The following PICALM variants were observed in gnomAD, a reference collection of about 807,000 sequenced individuals.
The protein encoded by PICALM is phosphatidylinositol-binding clathrin assembly protein.
A neutral mutation model predicts 80.5 loss-of-function variants in PICALM; 40 were observed. The ratio of observed to expected loss-of-function variants is 0.50; its 90% CI spans 0.39 to 0.65. The LOEUF (loss-of-function observed/expected upper bound fraction) is 0.65, where lower values mean the gene tolerates loss of function less well. Among genes scored for constraint, PICALM ranks in the 30% least tolerant of loss-of-function variants. PICALM has a pLI of 0.00. For missense variants in PICALM, 676 were observed against 778.9 expected (o/e 0.87, Z 1.57); for synonymous variants, 288 against 260.3 (o/e 1.11, Z -1.02).
rs72963077 is a variant in PICALM at position 86,026,023 on chromosome 11, C to G, written c.349+269G>C. Among the ~76,000 whole-genome samples the G allele has an allele frequency of 0.16, 24,734 of 152,078 alleles. 2,574 individuals are homozygous for G. The highest frequency in any genetic ancestry group is 0.24 in the Middle Eastern group (70 of 294). Reference sequence around the variant, plus strand: ...CCAAGTTCATATAGCTGGTAGGCAGCAAAGATGAGATTCAAACCTAGACAG... The same window carrying G: ...CCAAGTTCATATAGCTGGTAGGCAGGAAAGATGAGATTCAAACCTAGACAG... On this transcript the variant is annotated intron_variant, in intron 3 of 19. Coordinates refer to ENST00000393346, the MANE Select transcript of PICALM (RefSeq NM_007166.4).
intron 12 of PICALM, among the ~76,000 whole-genome samples, chr11:85,991,629 T>C (rs1389636507): frequency 2.0e-5 from 3 of 151,942 alleles, no homozygotes; most frequent in African/African-American, 7.3e-5. Flanking sequence ...AGTAAGAACT[T>C]TTCTATATAG....
At chr11:86,020,229 C>T (rs1442087674) in intron 4 of PICALM, among the ~76,000 whole-genome samples, 1 of 151,680 alleles carries the variant, frequency 6.6e-6, no homozygotes, top group Non-Finnish European at 1.5e-5. Flanking sequence ...AAAAAAGATC[C>T]AAATAAACAG....
At chr11:86,026,916 A>C (rs1344747930) in intron 2 of PICALM, among the ~76,000 whole-genome samples, 2 of 152,194 alleles carry the variant, frequency 1.3e-5, no homozygotes, top group African/African-American at 4.8e-5. Context: ...TTTCTGAAAC[A>C]GGTATACGTT....
chr11:86,041,963 C>G (rs1347686515), intron 1 of PICALM, among the ~76,000 whole-genome samples: 1 of 152,056 alleles, frequency 6.6e-6, no homozygotes, highest in African/African-American at 2.4e-5. Flanking sequence ...GTTCCTCCCC[C>G]CTCCTCTGAT....
intron 14 of PICALM, among the ~76,000 whole-genome samples, chr11:85,982,982 CAAT>C (rs763944953): frequency 7.9e-5 from 12 of 152,258 alleles, no homozygotes; most frequent in East Asian, 1.9e-4. Flanking sequence ...TAGTTCACAA[CAAT>C]GATTGGTCTC....
intron 1 of PICALM, among the ~76,000 whole-genome samples, chr11:86,038,080 A>G (rs1048515709): frequency 2.6e-5 from 4 of 152,302 alleles, no homozygotes; most frequent in South Asian, 2.1e-4. Context: ...AACACTATGG[A>G]AAGTTGAGGC....
chr11:86,018,412 T>C (rs1214738744), intron 4 of PICALM, among the ~76,000 whole-genome samples: 1 of 152,200 alleles, frequency 6.6e-6, no homozygotes, highest in Non-Finnish European at 1.5e-5. Flanking sequence ...TTTGGTGTTT[T>C]GTATTAAAAT....
chr11:86,030,975 A>G (rs970698989), intron 2 of PICALM, among the ~76,000 whole-genome samples: 64 of 152,058 alleles, frequency 4.2e-4, no homozygotes, highest in African/African-American at 1.5e-3. Context: ...AAAATAAGCC[A>G]GGCATGGTAG....
chr11:85,960,972 C>T (rs1338023863), intron 19 of PICALM, among the ~76,000 whole-genome samples: 1 of 150,078 alleles, frequency 6.7e-6, no homozygotes, highest in African/African-American at 2.5e-5. Flanking sequence ...TATGCAATGG[C>T]ATGTGTTTTT....
chr11:86,010,282 T>A (rs934186763), intron 7 of PICALM, among the ~76,000 whole-genome samples: 1 of 151,870 alleles, frequency 6.6e-6, no homozygotes, highest in Non-Finnish European at 1.5e-5. Context: ...GTTTTCACAA[T>A]CAATGATAAT....
intron 1 of PICALM, among the ~76,000 whole-genome samples, chr11:86,054,166 A>G (rs1405279734): frequency 3.3e-5 from 5 of 152,366 alleles, no homozygotes; most frequent in Non-Finnish European, 7.3e-5. Flanking sequence ...AACACTATGT[A>G]TAACAACATT....
rs1304583954 is a variant in PICALM at position 85,957,640 on chromosome 11, G to C, written c.*1406C>G. 2.1e-5 allele frequency: 4 copies of C among 194,506 alleles called. No homozygotes were observed. The highest frequency in any genetic ancestry group is 1.6e-4 in the East Asian group (2 of 12,246). The allele number at this position is 194,506 out of a possible 1,614,324, so 12.0% of individuals were successfully genotyped here. ...ACAATATTGATAATAAAAAGAGAAA[G>C]GAAAAATGAAAATGCATCTCAGACC... On this transcript the variant is annotated 3_prime_UTR_variant, in exon 20 of 20. Coordinates refer to ENST00000393346, the MANE Select transcript of PICALM (RefSeq NM_007166.4).
chr11:85,980,246 A>G (rs1160354544), intron 17 of PICALM, among the ~76,000 whole-genome samples: 8 of 152,164 alleles, frequency 5.3e-5, no homozygotes, highest in South Asian at 2.1e-4. Context: ...GAGGATAGAG[A>G]AGGAGGATGG....
chr11:86,069,067 C>CA lies in PICALM; in HGVS notation c.-288dup. ...AGCCGGGCAGGGTAAGAGGAACAGG[C>CA]AGCTGCAGGAAAATGGCGGCGCCAG... On this transcript the variant is annotated 5_prime_UTR_variant, in exon 1 of 20. Transcript: ENST00000393346. 1 of 355,990 alleles carries CA rather than the reference C, an allele frequency of 2.8e-6. No individual in the cohort carries two copies. The highest frequency in any genetic ancestry group is 5.2e-6 in the Non-Finnish European group (1 of 193,366). 22.1% of individuals were successfully genotyped at this position (355,990 alleles called of 1,614,324 possible). A position where few individuals can be genotyped will look rare whatever the true frequency, so the allele number is the denominator to read the frequency against.
chr11:85,959,633 C>CAAA (rs1161064257), intron 19 of PICALM, among the ~76,000 whole-genome samples: 10,652 of 44,930 alleles, frequency 0.24, 2,286 homozygotes, highest in East Asian at 0.5. Context: ...AACTCCATCT[C>CAAA]AAAAAAAAAA....
Position 85,990,318 on chromosome 11 carries a change from A to T in PICALM, c.1340T>A (p.Val447Asp). The stretch of plus-strand genomic sequence containing the variant: ...TACATCTGAAGAAATGGAAAGGTGA[A>T]CATCACCACTACTTTTTGTGAGGAA... ...NPFLTKSSGD[V>D]HLSISSDVST... Residue 447 changes from valine (V) to aspartate (D), a missense_variant, in exon 13 of 20, where the codon GTT becomes GAT. This residue lies in a region of PICALM where 391 missense variants were observed against 383.6 expected (regional missense o/e 1.02). Coordinates refer to ENST00000393346, the MANE Select transcript of PICALM (RefSeq NM_007166.4). The T allele has an allele frequency of 6.2e-7, 1 of 1,604,106 alleles. No individual in the cohort carries two copies. Among genetic ancestry groups the T allele is most frequent in the Non-Finnish European group, 8.5e-7 (1 of 1,171,206 alleles).
intron 12 of PICALM, among the ~76,000 whole-genome samples, chr11:85,995,568 A>C (rs1329324034): frequency 1.3e-5 from 2 of 152,198 alleles, no homozygotes; most frequent in African/African-American, 2.4e-5. Flanking sequence ...TGAAATGTTT[A>C]ATATATTTTT....
rs1401354543 is a variant in PICALM at position 86,066,752 on chromosome 11, AAAAAAAC to A, written c.130+1892_130+1898del. Among the ~76,000 whole-genome samples, 109 of 151,836 alleles carry A rather than the reference AAAAAAAC, an allele frequency of 7.2e-4. 1 individual carries two copies. The highest frequency in any genetic ancestry group is 2.6e-3 in the African/African-American group (106 of 41,286). On this transcript the variant is annotated intron_variant, in intron 1 of 19. Coordinates refer to ENST00000393346, the MANE Select transcript of PICALM (RefSeq NM_007166.4). ...GTTTCTTCATACTCCCATACAAAAA[AAAAAAAC>A]AAAAAAAAACCAAAAGCAACTAACA...
chr11:86,027,953 TAA>T (rs2095677674), intron 2 of PICALM, among the ~76,000 whole-genome samples: 2 of 152,198 alleles, frequency 1.3e-5, no homozygotes, highest in Non-Finnish European at 1.5e-5. Flanking sequence ...AAAAATATCG[TAA>T]GACAATATTA....
Sources: allele counts gnomAD v4.1 joint callset (sites outside exome capture counted in the v4.1 genomes callset), GRCh38; gene constraint gnomAD v4.1.1; regional missense constraint gnomAD v4.1.1; transcripts MANE v1.5; gene names NCBI Gene and HGNC (gene_info 2026-07-23, HGNC 2026-07-21).